RERE: variants seen among roughly 807,000 people sequenced by gnomAD.
RERE encodes arginine-glutamic acid dipeptide repeats protein.
A neutral mutation model predicts 146.1 loss-of-function variants in RERE; 40 were observed. The ratio of observed to expected loss-of-function variants is 0.27; its 90% confidence interval spans 0.21 to 0.36. The LOEUF (loss-of-function observed/expected upper bound fraction) is 0.36, where lower values mean the gene tolerates loss of function less well. RERE is among the 10% of genes least tolerant of loss of function. The probability of loss-of-function intolerance (pLI) is 1.00; values close to 1 mark genes in which losing one functional copy is unlikely to be tolerated. For missense variants in RERE, 1,933 were observed against 2,138.7 expected (o/e 0.90, Z 1.90); for synonymous variants, 1,003 against 866.0 (o/e 1.16, Z -2.78).
At position 8,361,083 on chromosome 1, in the gene RERE, G is replaced by T. The variant is rs199944381; in HGVS notation, c.2424C>A (p.Pro808=). 1,045 of 1,439,924 alleles carry T rather than the reference G, an allele frequency of 7.3e-4. 11 individuals are homozygous for T. In the African/African-American group the frequency reaches 0.013, roughly 17 times the overall value. 89.2% of individuals were successfully genotyped at this position (1,439,924 alleles called of 1,614,324 possible). Reference sequence around the variant, plus strand: ...GGGGATGCGGTGAGGGCGGCCGCTGGGGGTGCAAGGCCGGTGCCTGTTGGA... The same window carrying T: ...GGGGATGCGGTGAGGGCGGCCGCTGTGGGTGCAAGGCCGGTGCCTGTTGGA... The part of the protein sequence containing the change: ...THIQQAPALH[P]QRPPSPHPPP... Residue 808 remains proline (P), a synonymous_variant, in exon 18 of 23, where the codon CCC becomes CCA. Transcript: ENST00000400908.
chr1:8,758,386 TC>T (rs1311551848), intron 1 of RERE, among the ~76,000 whole-genome samples: 2 of 137,646 alleles, frequency 1.5e-5, no homozygotes, highest in Non-Finnish European at 3.1e-5. Flanking sequence ...TGGCCCTCAA[TC>T]TTTTTTTTTT....
chr1:8,736,388 T>C (rs1016427090), intron 1 of RERE, among the ~76,000 whole-genome samples: 3 of 152,110 alleles, frequency 2.0e-5, no homozygotes, highest in Non-Finnish European at 4.4e-5. Flanking sequence ...TTGTATTTTT[T>C]AGTAGAGACG....
intron 12 of RERE, among the ~76,000 whole-genome samples, chr1:8,389,866 C>T (rs193207111): frequency 6.4e-4 from 98 of 152,310 alleles, no homozygotes; most frequent in African/African-American, 2.1e-3. Flanking sequence ...GTCTCTTAAA[C>T]GCATCCACTT....
At chr1:8,440,745 A>T (rs2124492796) in intron 11 of RERE, among the ~76,000 whole-genome samples, 1 of 150,188 alleles carries the variant, frequency 6.7e-6, no homozygotes, top group Middle Eastern at 3.4e-3. Flanking sequence ...AAAAAAAAAA[A>T]ATTAGCTGGG....
At chr1:8,750,554 T>C (rs746764939) in intron 1 of RERE, 1 of 995,900 alleles carries the variant, frequency 1.0e-6, no homozygotes, top group East Asian at 2.4e-5. Context: ...AAACATGCTT[T>C]GAAAGGCAAG....
rs185080232 is a variant in RERE at position 8,564,088 on chromosome 1, C to T, written c.523-6565G>A. 2.0e-4 allele frequency among the ~76,000 whole-genome samples: 30 copies of T among 152,298 alleles called. No homozygotes were observed. In the East Asian group the frequency reaches 4.6e-3, roughly 23 times the overall value. On this transcript the variant is annotated intron_variant, in intron 4 of 22. Coordinates refer to ENST00000400908, the MANE Select transcript of RERE (RefSeq NM_001042681.2). ...CACTTACAGGACAATGACTGTTAGA[C>T]GTGTCACCTTAGCTAAGACCTTGGG...
At chr1:8,805,010 T>TG (rs1641661180) in intron 1 of RERE, among the ~76,000 whole-genome samples, 1 of 131,314 alleles carries the variant, frequency 7.6e-6, no homozygotes, top group South Asian at 2.4e-4. Context: ...TGTTTTTGGT[T>TG]TTTTTTTTTT....
chr1:8,364,846 T>C lies in RERE; in HGVS notation c.1448-8A>G. 7.4e-7 allele frequency: 1 copy of C among 1,346,108 alleles called. No individual in the cohort carries two copies. The highest frequency in any genetic ancestry group is 1.2e-5 in the South Asian group (1 of 86,040). 83.4% of individuals were successfully genotyped at this position (1,346,108 alleles called of 1,614,324 possible). A position where few individuals can be genotyped will look rare whatever the true frequency, so the allele number is the denominator to read the frequency against. ...TGGCTGAACTTAGGTCCACTGGGCG[T>C]GGCAGGCACATAGTGGGGGTGGGGG... On this transcript the variant is annotated splice_region_variant and splice_polypyrimidine_tract_variant and intron_variant, in intron 13 of 22. Coordinates refer to ENST00000400908, the MANE Select transcript of RERE (RefSeq NM_001042681.2). The surrounding 1 kb of genome is among the most constrained non-coding windows in gnomAD (Gnocchi z 5.1).
At chr1:8,614,817 T>C in intron 3 of RERE, 131 bp from the exon 4 acceptor site, 1 of 1,011,598 alleles carries the variant, frequency 9.9e-7, no homozygotes, top group East Asian at 2.7e-5. Flanking sequence ...CTCAGATAAT[T>C]TGTTCTACCA....
At chr1:8,633,915 T>C (rs145090013) in intron 2 of RERE, among the ~76,000 whole-genome samples, 135 of 151,774 alleles carry the variant, frequency 8.9e-4, no homozygotes, top group South Asian at 4.0e-3. Context: ...AGCAACAGAG[T>C]GAGACTCTGT....
chr1:8,664,965 A>C (rs1168931243), intron 1 of RERE, among the ~76,000 whole-genome samples: 1 of 152,224 alleles, frequency 6.6e-6, no homozygotes, highest in African/African-American at 2.4e-5. Context: ...ACTTTGGTAC[A>C]TTAAAAATCC....
intron 1 of RERE, among the ~76,000 whole-genome samples, chr1:8,745,845 G>C (rs1262890926): frequency 6.6e-6 from 1 of 152,176 alleles, no homozygotes; most frequent in Non-Finnish European, 1.5e-5. Flanking sequence ...TGTGGTAGGA[G>C]AATCGCTTGA....
At chr1:8,556,978 T>A (rs566046006) in intron 5 of RERE, among the ~76,000 whole-genome samples, 2 of 152,232 alleles carry the variant, frequency 1.3e-5, no homozygotes, top group South Asian at 2.1e-4. Flanking sequence ...AAGAATATTT[T>A]TAACAAGGAA....
intron 4 of RERE, among the ~76,000 whole-genome samples, chr1:8,561,971 T>C (rs781331665): frequency 1.3e-5 from 2 of 152,244 alleles, no homozygotes; most frequent in African/African-American, 4.8e-5. Context: ...TACTAAGCTA[T>C]GTGACTTTGG....
rs1462528966 is a variant in RERE, at chr1:8,360,803, C to G, written c.2704G>C (p.Ala902Pro). The G allele has an allele frequency of 2.5e-6, 4 of 1,575,642 alleles. No individual in the cohort carries two copies. Among genetic ancestry groups the G allele is most frequent in the Non-Finnish European group, 3.4e-6 (4 of 1,166,536 alleles). ...TGGGACTGCAGCGCTGACTGAGAGG[C>G]TGGCAGCTGCAGGGAGGTGTGAGGG... is the stretch of plus-strand genomic sequence containing the variant. ...AYPHTSLQLPASQSALQSQQP... is the reference protein window; with the variant it reads ...AYPHTSLQLPPSQSALQSQQP... Residue 902 changes from alanine to proline, a missense_variant, in exon 18 of 23, where the codon GCC (alanine) becomes CCC (proline). Around this residue, in one of 11 missense-constraint regions of RERE, gnomAD observed 1,255 missense variants for 1,153.8 expected, o/e 1.09. Coordinates refer to ENST00000400908, the MANE Select transcript of RERE (RefSeq NM_001042681.2).
At chr1:8,710,623 A>G (rs1015073043) in intron 1 of RERE, among the ~76,000 whole-genome samples, 12 of 152,254 alleles carry the variant, frequency 7.9e-5, no homozygotes, top group Admixed American at 5.9e-4. Context: ...GGTTGATGCC[A>G]TTCTCCTGCC....
chr1:8,570,222 A>T (rs1415498355), intron 4 of RERE, among the ~76,000 whole-genome samples: 1 of 152,044 alleles, frequency 6.6e-6, no homozygotes. Context: ...CTGTAGTCCC[A>T]GCTACTCAGG....
At chr1:8,529,744 T>C (rs979553876) in intron 7 of RERE, among the ~76,000 whole-genome samples, 3 of 152,052 alleles carry the variant, frequency 2.0e-5, no homozygotes, top group Non-Finnish European at 2.9e-5. Flanking sequence ...CTCAAGAATA[T>C]AGGATCAGTC....
chr1:8,797,065 T>C (rs1641489681), intron 1 of RERE, among the ~76,000 whole-genome samples: 1 of 151,570 alleles, frequency 6.6e-6, no homozygotes, highest in African/African-American at 2.4e-5. Context: ...ACAGAACTAG[T>C]TTCCTCAAAA....
Sources: allele counts gnomAD v4.1 joint callset (sites outside exome capture counted in the v4.1 genomes callset), GRCh38; gene constraint gnomAD v4.1.1; regional missense constraint gnomAD v4.1.1; non-coding constraint Gnocchi (gnomAD v3.1); transcripts MANE v1.5; gene names NCBI Gene and HGNC (gene_info 2026-07-23, HGNC 2026-07-21).